The following LRRC37A2 variants were observed in gnomAD, a reference collection of about 807,000 sequenced individuals.
LRRC37A2 encodes leucine-rich repeat-containing protein 37A2.
Under a neutral mutation model 68.8 loss-of-function variants are expected in LRRC37A2, and 9 were observed. The ratio of observed to expected loss-of-function variants is 0.13; its 90% CI spans 0.08 to 0.23. The LOEUF is 0.23. Ranked by LOEUF, LRRC37A2 falls within the 10% of genes least tolerant of loss-of-function variation. The pLI is 1.00. For missense variants in LRRC37A2, 168 were observed against 950.4 expected (o/e 0.18, Z 10.82); for synonymous variants, 63 against 367.6 (o/e 0.17, Z 9.48).
At chr17:47,018,726 T>A in the LRRC37A2 span, 1 of 1,520,750 alleles carries the variant, frequency 6.6e-7, no homozygotes, top group South Asian at 1.1e-5. Flanking sequence ...GGGTGAATCT[T>A]CCCTAACCCA....
the LRRC37A2 span, among the ~76,000 whole-genome samples, chr17:46,747,617 G>A: frequency 6.6e-6 from 1 of 152,028 alleles, no homozygotes; most frequent in Admixed American, 6.5e-5. Context: ...TGCACAGGAT[G>A]CAATTAAAAA....
At chr17:47,005,353 C>A in the LRRC37A2 span, among the ~76,000 whole-genome samples, 1 of 152,170 alleles carries the variant, frequency 6.6e-6, no homozygotes, top group Non-Finnish European at 1.5e-5. Context: ...GTCTTTGAGG[C>A]CCGAAAGTCT....
At chr17:46,980,666 C>CAAAAAAAAAAAAAA in the LRRC37A2 span, among the ~76,000 whole-genome samples, 32 of 83,884 alleles carry the variant, frequency 3.8e-4, 2 homozygotes, top group Non-Finnish European at 5.9e-4. Context: ...ACTAAAAATA[C>CAAAAAAAAAAAAAA]AAAAAAAAAA....
chr17:46,927,063 A>G, the LRRC37A2 span, among the ~76,000 whole-genome samples: 26 of 152,336 alleles, frequency 1.7e-4, no homozygotes, highest in South Asian at 2.1e-4. Flanking sequence ...ATTAATGCAT[A>G]TGTCCCCAAA....
the LRRC37A2 span, among the ~76,000 whole-genome samples, chr17:46,852,224 G>C: frequency 2.8e-3 from 428 of 152,308 alleles, 3 homozygotes; most frequent in African/African-American, 9.8e-3. Flanking sequence ...TCCCGGTCTC[G>C]GGGCAGAGGA....
chr17:46,501,279 G>A, the LRRC37A2 span, among the ~76,000 whole-genome samples: 3 of 151,004 alleles, frequency 2.0e-5, no homozygotes, highest in African/African-American at 5.0e-5. Flanking sequence ...GGGTTCACGC[G>A]ATTCTCCTGC....
the LRRC37A2 span, among the ~76,000 whole-genome samples, chr17:46,793,270 T>G: frequency 2.8e-5 from 1 of 36,222 alleles, no homozygotes; most frequent in Non-Finnish European, 6.2e-5. Flanking sequence ...TGAGACCCTG[T>G]CTAAAAAAAA....
the LRRC37A2 span, among the ~76,000 whole-genome samples, chr17:46,725,934 A>C: frequency 1.3e-5 from 2 of 152,172 alleles, no homozygotes; most frequent in African/African-American, 4.8e-5. Context: ...AAATTACTAC[A>C]TCCTTGCCAG....
the LRRC37A2 span, among the ~76,000 whole-genome samples, chr17:46,501,922 C>T: frequency 1.3e-5 from 2 of 151,244 alleles, no homozygotes; most frequent in East Asian, 1.9e-4. Context: ...ACACCCTCTT[C>T]AATCCTGGTT....
the LRRC37A2 span, chr17:46,935,132 T>C: frequency 6.2e-7 from 1 of 1,614,074 alleles, no homozygotes; most frequent in Non-Finnish European, 8.5e-7. Context: ...GGGCACAATA[T>C]TTTAGATGGA....
the LRRC37A2 span, among the ~76,000 whole-genome samples, chr17:46,737,526 C>T: frequency 6.6e-6 from 1 of 151,878 alleles, no homozygotes; most frequent in African/African-American, 2.4e-5. Context: ...GCTGCACTCA[C>T]CCAGATGATT....
At chr17:46,824,826 C>T in the LRRC37A2 span, among the ~76,000 whole-genome samples, 1 of 152,160 alleles carries the variant, frequency 6.6e-6, no homozygotes, top group Admixed American at 6.5e-5. Flanking sequence ...CTTGAGTGGC[C>T]CTGGCCCCTA....
At chr17:46,938,757 A>G in the LRRC37A2 span, 10 of 1,613,816 alleles carry the variant, frequency 6.2e-6, no homozygotes, top group East Asian at 1.6e-4. Context: ...AGTACCTGAC[A>G]TGAGCCAGCC....
the LRRC37A2 span, chr17:46,934,922 A>G: frequency 4.1e-6 from 4 of 973,416 alleles, no homozygotes; most frequent in Admixed American, 5.1e-5. Flanking sequence ...TTCTTTCACC[A>G]GCCCCTCCGG....
At chr17:46,709,014 G>A in the LRRC37A2 span, among the ~76,000 whole-genome samples, 1 of 151,136 alleles carries the variant, frequency 6.6e-6, no homozygotes, top group Non-Finnish European at 1.5e-5. Context: ...TAGTAGAGAC[G>A]AGGTTTCACT....
At chr17:46,936,696 G>A in the LRRC37A2 span, 2 of 984,916 alleles carry the variant, frequency 2.0e-6, no homozygotes, top group Non-Finnish European at 2.4e-6. Context: ...TTGATCCTTA[G>A]CCTCATACAG....
chr17:46,972,615 G>T, the LRRC37A2 span, among the ~76,000 whole-genome samples: 1 of 152,236 alleles, frequency 6.6e-6, no homozygotes, highest in Non-Finnish European at 1.5e-5. Flanking sequence ...TCAACATACA[G>T]GTTCCATGTC....
the LRRC37A2 span, chr17:46,749,705 C>G: frequency 7.1e-7 from 1 of 1,411,200 alleles, no homozygotes; most frequent in Non-Finnish European, 9.5e-7. Context: ...AAATTGTGTT[C>G]AAGCTTACTG....
chr17:46,379,866 GTTTTTTTTTTTTT>G, the LRRC37A2 span, among the ~76,000 whole-genome samples: 4 of 47,810 alleles, frequency 8.4e-5, no homozygotes, highest in East Asian at 6.5e-4. Context: ...TTGCAATACT[GTTTTTTTTTTTTT>G]TTTTTTTTTT....
Sources: allele counts gnomAD v4.1 joint callset (sites outside exome capture counted in the v4.1 genomes callset), GRCh38; gene constraint gnomAD v4.1.1; transcripts MANE v1.5; gene names NCBI Gene and HGNC (gene_info 2026-07-23, HGNC 2026-07-21).